Variants in CAST observed in about 807,000 individuals in gnomAD.
CAST encodes MIR583 host.
CAST carries 76 observed loss-of-function variants against 119.6 expected under a neutral mutation model. The ratio of observed to expected loss-of-function variants is 0.64; its 90% CI spans 0.53 to 0.77. The LOEUF is 0.77. Among genes scored for constraint, CAST ranks in the 30% least tolerant of loss-of-function variants. The pLI is 0.00. For synonymous variants in CAST, 319 were observed against 331.6 expected (o/e 0.96, Z 0.41); for missense variants, 953 against 946.5 (o/e 1.01, Z -0.09).
At chr5:96,273,323 T>C in the CAST span, among the ~76,000 whole-genome samples, 1 of 152,328 alleles carries the variant, frequency 6.6e-6, no homozygotes, top group East Asian at 1.9e-4. Context: ...CTTGTTAACC[T>C]AGCCAAGAGA....
chr5:96,672,619 A>G (rs1395213485), intron 1 of CAST, among the ~76,000 whole-genome samples: 1 of 150,514 alleles, frequency 6.6e-6, no homozygotes, highest in Non-Finnish European at 1.5e-5. Flanking sequence ...AGGCACAAGA[A>G]TAGCTTGAGC....
At chr5:96,253,319 T>C in the CAST span, among the ~76,000 whole-genome samples, 2 of 152,124 alleles carry the variant, frequency 1.3e-5, no homozygotes, top group Non-Finnish European at 2.9e-5. Context: ...TTATCAAACT[T>C]GGCACAAACC....
chr5:96,009,315 A>G, the CAST span, among the ~76,000 whole-genome samples: 1 of 152,146 alleles, frequency 6.6e-6, no homozygotes, highest in Non-Finnish European at 1.5e-5. Context: ...ATTTTTCTTC[A>G]GGCAGATACT....
the CAST span, among the ~76,000 whole-genome samples, chr5:96,040,295 A>G: frequency 6.6e-6 from 1 of 152,154 alleles, no homozygotes; most frequent in Non-Finnish European, 1.5e-5. Flanking sequence ...GGTTTTCTAA[A>G]TATACAATCA....
At chr5:96,413,902 G>A in the CAST span, among the ~76,000 whole-genome samples, 6 of 143,988 alleles carry the variant, frequency 4.2e-5, no homozygotes, top group Non-Finnish European at 7.5e-5. Context: ...GGCGGATCAC[G>A]AGGTCAAGAG....
In CAST at chr5:96,772,991, T is replaced by C. The variant is rs538634490; in HGVS notation, c.*375T>C. Reference sequence around the variant, plus strand: ...CTACACACAGTGCCTGTAAATCTCATTTGTATTTTCAGTTTGCCCTTAATT... The same window carrying C: ...CTACACACAGTGCCTGTAAATCTCACTTGTATTTTCAGTTTGCCCTTAATT... On this transcript the variant is annotated 3_prime_UTR_variant, in exon 32 of 32. Coordinates refer to ENST00000675179, the MANE Select transcript of CAST (RefSeq NM_001750.7). The C allele has an allele frequency of 5.8e-5, 9 of 154,014 alleles. No homozygotes were observed. Among genetic ancestry groups the C allele is most frequent in the African/African-American group, 1.9e-4 (8 of 41,580 alleles). 9.5% of individuals were successfully genotyped at this position (154,014 alleles called of 1,614,324 possible). A position where few individuals can be genotyped will look rare whatever the true frequency, so the allele number is the denominator to read the frequency against.
the CAST span, among the ~76,000 whole-genome samples, chr5:96,271,912 C>CA: frequency 1.3e-5 from 2 of 151,804 alleles, no homozygotes; most frequent in East Asian, 1.9e-4. Flanking sequence ...AACCCAATAG[C>CA]AAAAAAACAA....
intron 1 of CAST, among the ~76,000 whole-genome samples, chr5:96,560,310 T>A (rs1385039806): frequency 1.3e-5 from 2 of 151,982 alleles, no homozygotes; most frequent in Non-Finnish European, 2.9e-5. Flanking sequence ...GGACTTCATG[T>A]CTAAAACACC....
chr5:96,543,118 C>T (rs1745943265), intron 1 of CAST, among the ~76,000 whole-genome samples: 1 of 152,116 alleles, frequency 6.6e-6, no homozygotes. Context: ...CAATAATAAA[C>T]ACTCGGAACC....
At chr5:96,157,709 C>T in the CAST span, among the ~76,000 whole-genome samples, 1 of 152,226 alleles carries the variant, frequency 6.6e-6, no homozygotes, top group Non-Finnish European at 1.5e-5. Context: ...GGCCTTCTCA[C>T]TTTCCTTGAT....
Position 96,662,512 on chromosome 5 carries a change from T to C in CAST, c.75+15T>C. The C allele has an allele frequency of 7.3e-7, 1 of 1,371,452 alleles. No individual in the cohort carries two copies. 85.0% of individuals were successfully genotyped at this position (1,371,452 alleles called of 1,614,324 possible). On this transcript the variant is annotated intron_variant, in intron 1 of 31. Transcript: ENST00000675179. ...GCACCCATGAGGTGAGTGGCGCTCC[T>C]GTCGGCGTCGCGGGGCTGGGCGATG...
At chr5:95,995,264 A>G in the CAST span, among the ~76,000 whole-genome samples, 3 of 152,272 alleles carry the variant, frequency 2.0e-5, no homozygotes, top group African/African-American at 7.2e-5. Flanking sequence ...CATGGGGTCT[A>G]TCTGCTTAAA....
chr5:96,045,488 C>T, the CAST span, among the ~76,000 whole-genome samples: 2 of 152,080 alleles, frequency 1.3e-5, no homozygotes, highest in Non-Finnish European at 2.9e-5. Context: ...TGCAAAATAG[C>T]ATTCACTTAA....
chr5:96,628,819 G>A lies in CAST; in HGVS notation c.61-46720G>A, dbSNP rs17086401. Among the ~76,000 whole-genome samples, 326 of 151,774 alleles carry A rather than the reference G, an allele frequency of 2.1e-3. 10 individuals carry two copies. In the East Asian group the frequency reaches 0.022, roughly 10 times the overall value. On this transcript the variant is annotated intron_variant, in intron 1 of 11. Coordinates refer to the CAST transcript ENST00000505143. The stretch of plus-strand genomic sequence containing the variant: ...CCTGCACGATTAGCACATAATCAAC[G>A]AGCAAATATCTTGTGCATATGGCTA...
At chr5:96,297,005 G>A in the CAST span, among the ~76,000 whole-genome samples, 2 of 151,700 alleles carry the variant, frequency 1.3e-5, no homozygotes, top group Non-Finnish European at 2.9e-5. Flanking sequence ...TATGTCTTCT[G>A]GTGTCAGTTA....
In CAST at chr5:96,555,559, CG is replaced by C. The variant is rs546722867; in HGVS notation, c.60+25681del. On this transcript the variant is annotated intron_variant, in intron 1 of 11. Coordinates refer to the CAST transcript ENST00000505143. ...GCACTTTTCCAAAGGTCTTAGCAAA[CG>C]GCACACCAGGACATTATATCCCGCA... 2.6e-5 allele frequency among the ~76,000 whole-genome samples: 4 copies of C among 152,104 alleles called. No homozygotes were observed. The South Asian group carries it at 8.3e-4, about 31-fold the overall frequency.
chr5:96,674,508 C>T lies in CAST; in HGVS notation c.76-1031C>T, dbSNP rs536684409. Among the ~76,000 whole-genome samples, 246 of 152,096 alleles carry T rather than the reference C, an allele frequency of 1.6e-3. 1 individual carries two copies. The highest frequency in any genetic ancestry group is 5.6e-3 in the African/African-American group (234 of 41,506). ...TCCCTTTTCCCACTTTTTTGAACAT[C>T]CACAGTGTGACAGAAATGGAATAAT... is the stretch of plus-strand genomic sequence containing the variant. On this transcript the variant is annotated intron_variant, in intron 1 of 31. Coordinates refer to ENST00000675179, the MANE Select transcript of CAST (RefSeq NM_001750.7).
At chr5:96,637,887 T>C (rs58516948) in intron 1 of CAST, among the ~76,000 whole-genome samples, 3,107 of 152,310 alleles carry the variant, frequency 0.02, 123 homozygotes, top group African/African-American at 0.071. Flanking sequence ...ACTGTGTTCA[T>C]AGTGCAAGAA....
the CAST span, chr5:96,410,856 C>T: frequency 2.5e-6 from 4 of 1,614,056 alleles, no homozygotes; most frequent in Non-Finnish European, 3.4e-6. Flanking sequence ...GGGGGATAGG[C>T]CTTGCTGGGA....
Sources: allele counts gnomAD v4.1 joint callset (sites outside exome capture counted in the v4.1 genomes callset), GRCh38; gene constraint gnomAD v4.1.1; transcripts MANE v1.5; gene names NCBI Gene and HGNC (gene_info 2026-07-23, HGNC 2026-07-21).